Variants in ULK4 observed in about 807,000 individuals in gnomAD.
ULK4 encodes unc-51 like kinase 4, also known as inactive serine/threonine-protein kinase ULK4.
A neutral mutation model predicts 160.6 loss-of-function variants in ULK4; 133 were observed. The observed-to-expected ratio is 0.83, with a 90% CI of 0.72 to 0.96. The LOEUF is 0.96. ULK4 is among the 40% of genes least tolerant of loss of function. The probability of loss-of-function intolerance (pLI) is 0.00; values close to 1 mark genes in which losing one functional copy is unlikely to be tolerated. For synonymous variants in ULK4, 534 were observed against 539.8 expected, an observed-to-expected ratio of 0.99 and a Z score of 0.15; for missense variants, 1,580 against 1,499.5, an observed-to-expected ratio of 1.05 and a Z score of -0.89.
At chr3:41,878,675 TAAA>T (rs33987084) in intron 17 of ULK4, among the ~76,000 whole-genome samples, 24 of 95,934 alleles carry the variant, frequency 2.5e-4, no homozygotes, top group African/African-American at 8.1e-4. Context: ...TTAAAACTGT[TAAA>T]AAAAAAAAAA....
intron 35 of ULK4, among the ~76,000 whole-genome samples, chr3:41,338,500 C>T (rs552230611): frequency 4.6e-5 from 7 of 152,174 alleles, no homozygotes; most frequent in Non-Finnish European, 1.0e-4. Context: ...AGCCTTTCTA[C>T]ATATTTCCTC....
chr3:41,590,461 CAAAAAAAAAA>C (rs71075479), intron 31 of ULK4, among the ~76,000 whole-genome samples: 107 of 56,890 alleles, frequency 1.9e-3, no homozygotes, highest in Middle Eastern at 0.032. Context: ...ACTAAAAATA[CAAAAAAAAAA>C]AAAAAAAAAA....
chr3:41,565,918 TATTTTGACTC>T (rs1358561746), intron 32 of ULK4, 97 bp downstream of exon 32: 1 of 730,076 alleles, frequency 1.4e-6, no homozygotes, highest in Non-Finnish European at 2.2e-6. Flanking sequence ...AATTCTTATC[TATTTTGACTC>T]ATCAACTTTA....
At chr3:41,431,835 G>A (rs1328272727) in intron 34 of ULK4, among the ~76,000 whole-genome samples, 1 of 147,556 alleles carries the variant, frequency 6.8e-6, no homozygotes, top group African/African-American at 2.5e-5. Context: ...TGTCACCCAG[G>A]CTGGAGTGCA....
At chr3:41,420,355 C>T (rs2082631418) in intron 34 of ULK4, among the ~76,000 whole-genome samples, 1 of 151,440 alleles carries the variant, frequency 6.6e-6, no homozygotes, top group Non-Finnish European at 1.5e-5. Context: ...TCAAATTTTT[C>T]CTATAGTTAT....
At chr3:41,857,235 C>G (rs999801561) in intron 17 of ULK4, among the ~76,000 whole-genome samples, 6 of 152,152 alleles carry the variant, frequency 3.9e-5, no homozygotes, top group Non-Finnish European at 7.3e-5. Flanking sequence ...CAGCTTTCCC[C>G]ATCTCTGAGA....
intron 22 of ULK4, among the ~76,000 whole-genome samples, chr3:41,730,408 C>A (rs1250229714): frequency 6.6e-6 from 1 of 151,950 alleles, no homozygotes; most frequent in African/African-American, 2.4e-5. Flanking sequence ...AGAGAAGATT[C>A]AAATAAATAA....
At chr3:41,532,394 C>A (rs2086349648) in intron 32 of ULK4, among the ~76,000 whole-genome samples, 1 of 152,146 alleles carries the variant, frequency 6.6e-6, no homozygotes, top group Non-Finnish European at 1.5e-5. Context: ...ACGTCATATC[C>A]CCTTTCTTCA....
At chr3:41,856,721 C>A (rs2042373693) in intron 17 of ULK4, among the ~76,000 whole-genome samples, 1 of 150,050 alleles carries the variant, frequency 6.7e-6, no homozygotes, top group Admixed American at 6.7e-5. Flanking sequence ...GACTCAGCAA[C>A]ATGGTGAAAC....
chr3:41,554,274 C>T (rs924847179), intron 32 of ULK4, among the ~76,000 whole-genome samples: 1 of 152,064 alleles, frequency 6.6e-6, no homozygotes, highest in African/African-American at 2.4e-5. Flanking sequence ...TGGAATCAAC[C>T]GAATAGTATT....
rs562136421 is a variant in ULK4 at position 41,287,938 on chromosome 3, G to A, written c.3679-38364C>T. ...GGGCATGGCCTGTTTTCATAAACTAGGTTGAAACTTTTTTGGATCTTGATC... is the reference window on the plus strand; with the variant it reads ...GGGCATGGCCTGTTTTCATAAACTAAGTTGAAACTTTTTTGGATCTTGATC... On this transcript the variant is annotated intron_variant, in intron 35 of 36. Transcript: ENST00000301831. Among the ~76,000 whole-genome samples, 44 of 152,256 alleles carry A rather than the reference G, an allele frequency of 2.9e-4. No individual in the cohort carries two copies. The Middle Eastern group carries it at 0.017, about 59-fold the overall frequency.
At chr3:41,678,905 T>C (rs1165431785) in intron 29 of ULK4, among the ~76,000 whole-genome samples, 4 of 152,234 alleles carry the variant, frequency 2.6e-5, no homozygotes, top group Admixed American at 1.3e-4. Flanking sequence ...TATATTTATA[T>C]ACTCAATGGA....
At chr3:41,423,513 C>T (rs2082706057) in intron 34 of ULK4, among the ~76,000 whole-genome samples, 1 of 151,994 alleles carries the variant, frequency 6.6e-6, no homozygotes, top group Non-Finnish European at 1.5e-5. Flanking sequence ...CTATGACCAT[C>T]AAATGAGGAA....
chr3:41,655,563 T>C (rs2034908865), intron 30 of ULK4, among the ~76,000 whole-genome samples: 1 of 152,094 alleles, frequency 6.6e-6, no homozygotes, highest in Non-Finnish European at 1.5e-5. Context: ...AAAAATTATC[T>C]AGGTGTAGCA....
chr3:41,382,134 CTCTA>C (rs1482645660), intron 35 of ULK4, among the ~76,000 whole-genome samples: 3 of 152,140 alleles, frequency 2.0e-5, no homozygotes, highest in Non-Finnish European at 4.4e-5. Context: ...CTTCCTTTCT[CTCTA>C]TATTTTTCTT....
chr3:41,889,580 T>C (rs1389830829), intron 16 of ULK4, among the ~76,000 whole-genome samples: 2 of 152,076 alleles, frequency 1.3e-5, no homozygotes, highest in East Asian at 1.9e-4. Context: ...ACAATAACAA[T>C]TGGTACTTAC....
intron 27 of ULK4, among the ~76,000 whole-genome samples, chr3:41,691,264 C>A (rs960717022): frequency 6.6e-6 from 1 of 151,852 alleles, no homozygotes; most frequent in Non-Finnish European, 1.5e-5. Context: ...CACATACGAA[C>A]AACCCACCCC....
chr3:41,284,094 T>C (rs565494301), intron 35 of ULK4, among the ~76,000 whole-genome samples: 1 of 152,062 alleles, frequency 6.6e-6, no homozygotes, highest in East Asian at 1.9e-4. Flanking sequence ...CAAATGGAAA[T>C]ACATCCCATG....
intron 35 of ULK4, among the ~76,000 whole-genome samples, chr3:41,394,461 C>T (rs1422397772): frequency 6.6e-6 from 1 of 152,024 alleles, no homozygotes; most frequent in Non-Finnish European, 1.5e-5. Flanking sequence ...CATCATGGCC[C>T]AGCATACCTT....
Sources: gnomAD v4.1 joint callset for allele counts (sites outside exome capture counted in the v4.1 genomes callset) on GRCh38, gnomAD v4.1.1 for gene constraint, MANE v1.5 for transcripts, NCBI Gene and HGNC (gene_info 2026-07-23, HGNC 2026-07-21) for gene names.